IMMP2L: variants seen among roughly 807,000 people sequenced by gnomAD.
IMMP2L encodes inner mitochondrial membrane peptidase subunit 2, also known as mitochondrial inner membrane protease subunit 2.
In IMMP2L, 18 loss-of-function variants were observed where a neutral mutation model predicts 19.3. The ratio of observed to expected loss-of-function variants is 0.93; its 90% confidence interval spans 0.64 to 1.38. The LOEUF (loss-of-function observed/expected upper bound fraction) is 1.38, where lower values mean the gene tolerates loss of function less well. Among genes scored for constraint, IMMP2L ranks in the 40% most tolerant of loss-of-function variants. The pLI is 0.00. For synonymous variants in IMMP2L, 76 were observed against 73.0 expected (o/e 1.04, Z -0.21); for missense variants, 233 against 218.2 (o/e 1.07, Z -0.43).
At chr7:111,060,078 A>G (rs1357737683) in intron 3 of IMMP2L, among the ~76,000 whole-genome samples, 1 of 152,184 alleles carries the variant, frequency 6.6e-6, no homozygotes, top group African/African-American at 2.4e-5. Flanking sequence ...CCAAGTCTTC[A>G]CTGATTTATT....
chr7:111,362,493 T>G (rs1377193049), intron 3 of IMMP2L, among the ~76,000 whole-genome samples: 5 of 152,096 alleles, frequency 3.3e-5, no homozygotes, highest in African/African-American at 1.2e-4. Context: ...ATTTTTTATT[T>G]TCTCTGTTTA....
intron 3 of IMMP2L, among the ~76,000 whole-genome samples, chr7:111,438,809 C>A (rs1837442460): frequency 6.6e-6 from 1 of 151,800 alleles, no homozygotes; most frequent in Non-Finnish European, 1.5e-5. Context: ...ACCCCTAACA[C>A]AATCTCTTAA....
intron 4 of IMMP2L, among the ~76,000 whole-genome samples, chr7:110,949,763 A>C (rs1817605597): frequency 6.6e-6 from 1 of 152,168 alleles, no homozygotes; most frequent in African/African-American, 2.4e-5. Flanking sequence ...AAAAACAGTA[A>C]GTGCAATTTC....
intron 1 of IMMP2L, among the ~76,000 whole-genome samples, chr7:111,522,844 C>A (rs1846465272): frequency 6.6e-6 from 1 of 150,886 alleles, no homozygotes; most frequent in African/African-American, 2.5e-5. Context: ...TTATGTTTAT[C>A]ACAGCACTAT....
At chr7:111,281,593 C>T (rs951847417) in intron 3 of IMMP2L, among the ~76,000 whole-genome samples, 3 of 152,134 alleles carry the variant, frequency 2.0e-5, no homozygotes, top group Non-Finnish European at 4.4e-5. Flanking sequence ...CACAGAGGTG[C>T]CATCACCCAA....
intron 3 of IMMP2L, among the ~76,000 whole-genome samples, chr7:111,364,673 A>G (rs975605009): frequency 2.0e-5 from 3 of 151,366 alleles, no homozygotes; most frequent in South Asian, 2.1e-4. Context: ...AATATTTTAT[A>G]TAAACTATAA....
intron 5 of IMMP2L, among the ~76,000 whole-genome samples, chr7:110,686,515 T>C (rs566837341): frequency 1.3e-5 from 2 of 152,120 alleles, no homozygotes; most frequent in South Asian, 4.1e-4. Context: ...TCCCCCTCAG[T>C]ATACAAACAA....
At chr7:111,255,420 C>T (rs920541163) in intron 3 of IMMP2L, among the ~76,000 whole-genome samples, 1 of 151,864 alleles carries the variant, frequency 6.6e-6, no homozygotes, top group South Asian at 2.1e-4. Context: ...ATCCATTTTA[C>T]AAAAACATGC....
intron 3 of IMMP2L, among the ~76,000 whole-genome samples, chr7:111,434,547 T>C (rs943820880): frequency 6.6e-6 from 1 of 151,742 alleles, no homozygotes; most frequent in Non-Finnish European, 1.5e-5. Context: ...TTTTTGTTTT[T>C]TTGTTTTATT....
intron 3 of IMMP2L, among the ~76,000 whole-genome samples, chr7:111,240,569 G>C (rs914047420): frequency 6.6e-6 from 1 of 151,910 alleles, no homozygotes; most frequent in Non-Finnish European, 1.5e-5. Flanking sequence ...AACTGATTTT[G>C]TTCTCATATG....
Position 111,562,421 on chromosome 7 carries a change from G to GC in IMMP2L, c.-574dup, listed in dbSNP as rs372068598. 12,816 of 150,898 alleles carry GC rather than the reference G, an allele frequency of 0.085. 675 individuals carry two copies. Among genetic ancestry groups the GC allele is most frequent in the African/African-American group, 0.13 (5,333 of 41,136 alleles). 9.3% of individuals were successfully genotyped at this position (150,898 alleles called of 1,614,324 possible). On this transcript the variant is annotated 5_prime_UTR_variant, in exon 1 of 6. Coordinates refer to ENST00000405709, the MANE Select transcript of IMMP2L (RefSeq NM_032549.4). The stretch of plus-strand genomic sequence containing the variant: ...CCCGCCGACCCCTGCCAGCCTCACA[G>GC]CCCCCCACCCGCCGCCGGACGCCGG...
chr7:110,683,738 C>G (rs1220989816), intron 5 of IMMP2L, among the ~76,000 whole-genome samples: 1 of 151,950 alleles, frequency 6.6e-6, no homozygotes, highest in Non-Finnish European at 1.5e-5. Flanking sequence ...ACATTTAGTC[C>G]CTGAATATAT....
chr7:111,487,520 T>C (rs192089092), intron 2 of IMMP2L, among the ~76,000 whole-genome samples, 179 bp from the exon 3 acceptor site: 1 of 152,262 alleles, frequency 6.6e-6, no homozygotes, highest in Admixed American at 6.5e-5. Context: ...CTGGGATTCT[T>C]CACAGATGAA....
intron 4 of IMMP2L, among the ~76,000 whole-genome samples, chr7:110,922,754 G>A (rs889857852): frequency 5.9e-5 from 9 of 152,046 alleles, no homozygotes; most frequent in African/African-American, 1.4e-4. Context: ...TGCAGCCACC[G>A]ATTGTAAGAA....
At chr7:111,481,981 C>T (rs1842231677) in intron 3 of IMMP2L, among the ~76,000 whole-genome samples, 1 of 152,176 alleles carries the variant, frequency 6.6e-6, no homozygotes, top group African/African-American at 2.4e-5. Context: ...CACTTAGGCC[C>T]AGGAGTTCAT....
chr7:111,297,001 A>AGG (rs1821705158), intron 3 of IMMP2L, among the ~76,000 whole-genome samples: 1 of 152,026 alleles, frequency 6.6e-6, no homozygotes, highest in Non-Finnish European at 1.5e-5. Flanking sequence ...ATGGAGATGA[A>AGG]GAACAGATTA....
chr7:111,490,917 C>A (rs531719474), intron 2 of IMMP2L, among the ~76,000 whole-genome samples: 1 of 152,168 alleles, frequency 6.6e-6, no homozygotes, highest in African/African-American at 2.4e-5. Flanking sequence ...GTTTGAACTG[C>A]GTGGGTCCAA....
intron 5 of IMMP2L, among the ~76,000 whole-genome samples, chr7:110,759,797 T>G (rs1798244945): frequency 6.6e-6 from 1 of 152,122 alleles, no homozygotes; most frequent in Admixed American, 6.6e-5. Flanking sequence ...TTCAATAATT[T>G]CAAATAAGAG....
intron 5 of IMMP2L, among the ~76,000 whole-genome samples, chr7:110,842,326 C>T (rs1805170935): frequency 6.6e-6 from 1 of 152,192 alleles, no homozygotes; most frequent in South Asian, 2.1e-4. Context: ...TTCCAAATCT[C>T]TCTGGATGCT....
Sources: gnomAD v4.1 joint callset for allele counts (sites outside exome capture counted in the v4.1 genomes callset) on GRCh38, gnomAD v4.1.1 for gene constraint, MANE v1.5 for transcripts, NCBI Gene and HGNC (gene_info 2026-07-23, HGNC 2026-07-21) for gene names.